ANO1: variants seen among roughly 807,000 people sequenced by gnomAD.
The protein encoded by ANO1 is anoctamin 1, also known as anoctamin-1.
ANO1 carries 59 observed loss-of-function variants against 124.0 expected under a neutral mutation model. The ratio of observed to expected loss-of-function variants is 0.48; its 90% confidence interval spans 0.39 to 0.59. The LOEUF (loss-of-function observed/expected upper bound fraction) is 0.59. ANO1 is among the 20% of genes least tolerant of loss of function. The probability of loss-of-function intolerance (pLI) is 0.00; values close to 1 mark genes in which losing one functional copy is unlikely to be tolerated. For synonymous variants in ANO1, 529 were observed against 532.0 expected, an observed-to-expected ratio of 0.99 and a Z score of 0.08; for missense variants, 1,059 against 1,328.0, an observed-to-expected ratio of 0.80 and a Z score of 3.15.
intron 1 of ANO1, among the ~76,000 whole-genome samples, chr11:69,995,612 C>T (rs573247019): frequency 6.6e-6 from 1 of 152,300 alleles, no homozygotes; most frequent in East Asian, 1.9e-4. Context: ...CTTTTGTAGA[C>T]TGTCCCTCAA....
chr11:70,045,955 C>G (rs548816539), intron 1 of ANO1, among the ~76,000 whole-genome samples: 5 of 152,218 alleles, frequency 3.3e-5, no homozygotes, highest in Non-Finnish European at 7.3e-5. Context: ...ACATCTAACT[C>G]ATGTCAACTT....
chr11:70,040,604 G>T (rs1440577604), intron 1 of ANO1, among the ~76,000 whole-genome samples: 1 of 152,166 alleles, frequency 6.6e-6, no homozygotes, highest in Admixed American at 6.5e-5. Context: ...GAGCCTGGGA[G>T]GCGGAGTTTG....
intron 11 of ANO1, among the ~76,000 whole-genome samples, chr11:70,137,359 G>C (rs1351569373): frequency 7.1e-6 from 1 of 140,126 alleles, no homozygotes; most frequent in African/African-American, 2.5e-5. Flanking sequence ...GCCCCTGCCT[G>C]CCCCTGCCTG....
intron 23 of ANO1, among the ~76,000 whole-genome samples, 154 bp from the exon 24 acceptor site, chr11:70,182,348 C>T (rs917786573): frequency 6.6e-6 from 1 of 152,274 alleles, no homozygotes; most frequent in Non-Finnish European, 1.5e-5. Flanking sequence ...CATCCATTCA[C>T]TCAGCATGCC....
chr11:69,990,051 C>T lies in ANO1; in HGVS notation c.58+3885C>T, dbSNP rs538902359. On this transcript the variant is annotated intron_variant, in intron 1 of 27. Transcript: ENST00000531349. Reference sequence around the variant, plus strand: ...AATTCAGTGGCATTAAATACATTCACGATGTCATACAACTATCATCACTAT... The same window carrying T: ...AATTCAGTGGCATTAAATACATTCATGATGTCATACAACTATCATCACTAT... Among the ~76,000 whole-genome samples, 35 of 152,156 alleles carry T rather than the reference C, an allele frequency of 2.3e-4. No individual in the cohort carries two copies. The South Asian group carries it at 5.0e-3, about 22-fold the overall frequency.
chr11:70,148,867 C>T (rs745743754), intron 11 of ANO1, among the ~76,000 whole-genome samples: 2 of 152,162 alleles, frequency 1.3e-5, no homozygotes, highest in Non-Finnish European at 2.9e-5. Context: ...GCACTGACAC[C>T]GTGGGCAAGA....
chr11:70,178,976 G>A (rs1237659228), intron 22 of ANO1, among the ~76,000 whole-genome samples: 1 of 152,260 alleles, frequency 6.6e-6, no homozygotes, highest in Non-Finnish European at 1.5e-5. Context: ...ATCTGAGCCT[G>A]TGGTTTCTAG....
At chr11:70,011,942 C>G (rs530775965) in intron 1 of ANO1, among the ~76,000 whole-genome samples, 133 of 152,324 alleles carry the variant, frequency 8.7e-4, no homozygotes, top group African/African-American at 3.1e-3. Context: ...AACCAACCAG[C>G]CATTCATCCA....
chr11:70,017,912 G>A (rs1856731145), intron 1 of ANO1, among the ~76,000 whole-genome samples: 1 of 152,086 alleles, frequency 6.6e-6, no homozygotes, highest in South Asian at 2.1e-4. Context: ...CCCCCTGCCT[G>A]CAACTCCAGC....
intron 1 of ANO1, among the ~76,000 whole-genome samples, chr11:70,014,540 G>A (rs1219727255): frequency 6.6e-6 from 1 of 152,138 alleles, no homozygotes; most frequent in Non-Finnish European, 1.5e-5. Context: ...CACGTGGCCT[G>A]CCCAGGCTGC....
Position 70,126,137 on chromosome 11 carries a change from A to G in ANO1, c.1039A>G (p.Ile347Val), listed in dbSNP as rs761985421. 1.1e-5 allele frequency: 18 copies of G among 1,613,732 alleles called. No individual in the cohort carries two copies. The highest frequency in any genetic ancestry group is 1.5e-5 in the Non-Finnish European group (18 of 1,179,778). ...VYTQMLIPAS[I>V]VGIIVFLYGC... ...CACCCAGATGCTCATCCCTGCCTCCATCGTGGGAATCATTGTCTTCCTGTA... is the reference window on the plus strand; with the variant it reads ...CACCCAGATGCTCATCCCTGCCTCCGTCGTGGGAATCATTGTCTTCCTGTA... The change falls in exon 10 of 26, where the codon ATC (isoleucine) becomes GTC (valine). Residue 347 changes from isoleucine to valine, a missense_variant. Physicochemically the swap from Ile to Val is conservative, Grantham distance 29. This residue lies in a region of ANO1 where 809 missense variants were observed against 1,094.9 expected (regional missense o/e 0.74). Coordinates refer to ENST00000355303, the MANE Select transcript of ANO1 (RefSeq NM_018043.7).
intron 7 of ANO1, among the ~76,000 whole-genome samples, chr11:70,116,252 C>T (rs181937293): frequency 9.8e-4 from 150 of 152,288 alleles, no homozygotes; most frequent in Admixed American, 2.7e-3. Context: ...GCCAACAGGG[C>T]GGCCAACAGG....
intron 14 of ANO1, among the ~76,000 whole-genome samples, chr11:70,154,513 C>T (rs963104388): frequency 1.2e-4 from 15 of 129,532 alleles, no homozygotes; most frequent in Non-Finnish European, 1.9e-4. Flanking sequence ...GTAGCCCAGG[C>T]TGGAGTGCAG....
intron 1 of ANO1, among the ~76,000 whole-genome samples, chr11:70,028,546 C>T (rs1250801370): frequency 6.6e-6 from 1 of 152,102 alleles, no homozygotes; most frequent in Non-Finnish European, 1.5e-5. Context: ...GACAGACACT[C>T]CCTCAGCTCC....
At chr11:70,037,311 T>A (rs1370128753) in intron 1 of ANO1, among the ~76,000 whole-genome samples, 2 of 151,972 alleles carry the variant, frequency 1.3e-5, no homozygotes, top group African/African-American at 4.8e-5. Context: ...CAGGAGCTGT[T>A]GGGAACTGTG....
intron 22 of ANO1, 149 bp downstream of exon 22, chr11:70,171,188 G>A (rs2048459743): frequency 1.7e-6 from 2 of 1,183,244 alleles, no homozygotes; most frequent in African/African-American, 1.5e-5. Context: ...GAGCCTGGGG[G>A]CAGGTGACAC....
chr11:70,168,311 ACT>A (rs2048331644), intron 21 of ANO1, among the ~76,000 whole-genome samples: 1 of 151,380 alleles, frequency 6.6e-6, no homozygotes, highest in African/African-American at 2.4e-5. Context: ...TGCATGGCTC[ACT>A]CTCTCCCTGC....
chr11:69,991,985 C>G (rs1229580124), intron 1 of ANO1, among the ~76,000 whole-genome samples: 2 of 152,242 alleles, frequency 1.3e-5, no homozygotes, highest in African/African-American at 4.8e-5. Context: ...GAGCATGCAG[C>G]AGCTTGGGTC....
intron 10 of ANO1, chr11:70,129,295 G>A (rs1264099449): frequency 6.6e-6 from 1 of 152,252 alleles, no homozygotes; most frequent in African/African-American, 2.4e-5. Context: ...ACTGTTCCAA[G>A]GGCCACACTC....
Sources: allele counts gnomAD v4.1 joint callset (sites outside exome capture counted in the v4.1 genomes callset), GRCh38; gene constraint gnomAD v4.1.1; regional missense constraint gnomAD v4.1.1; transcripts MANE v1.5; gene names NCBI Gene and HGNC (gene_info 2026-07-23, HGNC 2026-07-21).